Variants in ZNF91 observed in about 807,000 individuals in gnomAD.
The protein encoded by ZNF91 is zinc finger protein 91 (HPF7, HTF10).
In ZNF91, 7 loss-of-function variants were observed where a neutral mutation model predicts 12.6. The ratio of observed to expected loss-of-function variants is 0.55; its 90% CI spans 0.31 to 1.04. The LOEUF (loss-of-function observed/expected upper bound fraction) is 1.04. Ranked by LOEUF, ZNF91 falls within the 50% of genes least tolerant of loss-of-function variation. The probability of loss-of-function intolerance (pLI) is 0.05; values close to 1 mark genes in which losing one functional copy is unlikely to be tolerated. For synonymous variants in ZNF91, 453 were observed against 462.6 expected, an observed-to-expected ratio of 0.98 and a Z score of 0.27; for missense variants, 1,217 against 1,385.4, an observed-to-expected ratio of 0.88 and a Z score of 1.93.
At chr19:23,318,717 C>A (rs142523554) in intron 1 of ZNF91, among the ~76,000 whole-genome samples, 10 of 152,132 alleles carry the variant, frequency 6.6e-5, no homozygotes, top group African/African-American at 2.4e-4. Context: ...TGTTTGCCTG[C>A]GCTATGCCCA....
At chr19:23,329,213 A>C (rs572687148) in intron 1 of ZNF91, 72 of 152,346 alleles carry the variant, frequency 4.7e-4, no homozygotes, top group African/African-American at 1.7e-3. Context: ...GATGAGATGT[A>C]CACCTAAATG....
rs1164922788 is a variant in ZNF91, at chr19:23,361,446, A to G, written c.1533T>C (p.Ile511=). 6.2e-7 allele frequency: 1 copy of G among 1,612,664 alleles called. No individual in the cohort carries two copies. Among genetic ancestry groups the G allele is most frequent in the Non-Finnish European group, 8.5e-7 (1 of 1,179,468 alleles). ...ATTTGTAGGGTTTCTCTCCAGTATGAATTATCTTATGTTTAGTAAGGGTTG... is the reference window on the plus strand; with the variant it reads ...ATTTGTAGGGTTTCTCTCCAGTATGGATTATCTTATGTTTAGTAAGGGTTG... The part of the protein sequence containing the change: ...QSSTLTKHKI[I]HTGEKPYKFE... The change falls in exon 4 of 4, where the codon ATT becomes ATC. Residue 511 remains isoleucine (I), a synonymous_variant. Coordinates refer to ENST00000300619, the MANE Select transcript of ZNF91 (RefSeq NM_003430.4).
chr19:23,329,145 T>A (rs1967885595), intron 1 of ZNF91: 1 of 152,244 alleles, frequency 6.6e-6, no homozygotes, highest in Non-Finnish European at 1.5e-5. Flanking sequence ...AATTTTTTGA[T>A]ACTAAAATGC....
At chr19:23,352,606 A>C (rs1459835203) in intron 3 of ZNF91, among the ~76,000 whole-genome samples, 3 of 152,164 alleles carry the variant, frequency 2.0e-5, no homozygotes. Context: ...ATGGTACCAC[A>C]CATTTCAATA....
Position 23,360,437 on chromosome 19 carries a change from G to C in ZNF91, c.2542C>G (p.His848Asp). The C allele has an allele frequency of 6.2e-7, 1 of 1,613,902 alleles. No individual in the cohort carries two copies. Among genetic ancestry groups the C allele is most frequent in the Non-Finnish European group, 8.5e-7 (1 of 1,179,970 alleles). The part of the protein sequence containing the change: ...SSALAKHKII[H>D]AGEKLYKCEE... ...CATTTGTAGAGTTTCTCTCCAGCAT[G>C]TATTATTTTATGTTTAGCAAGGGCT... The change falls in exon 4 of 4, where the codon CAT (histidine) becomes GAT (aspartate). Residue 848 changes from histidine (H) to aspartate (D), a missense_variant. His to Asp is a moderately conservative substitution (Grantham distance 81, BLOSUM62 -1). This residue lies in a region of ZNF91 where 491 missense variants were observed against 489.8 expected (regional missense o/e 1.00). Coordinates refer to ENST00000300619, the MANE Select transcript of ZNF91 (RefSeq NM_003430.4).
chr19:23,360,850 C>T lies in ZNF91; in HGVS notation c.2129G>A (p.Gly710Glu), dbSNP rs185626891. 1,348 of 1,613,776 alleles carry T rather than the reference C, an allele frequency of 8.4e-4. 9 individuals carry two copies. In the African/African-American group the frequency reaches 0.016, roughly 20 times the overall value. Residue 710 changes from glycine (G) to glutamate (E), a missense_variant, in exon 4 of 4, where the codon GGA becomes GAA. Gly to Glu is a moderately conservative substitution (Grantham distance 98). Around this residue, in one of 2 missense-constraint regions of ZNF91, gnomAD observed 726 missense variants for 895.5 expected, o/e 0.81. Coordinates refer to ENST00000300619, the MANE Select transcript of ZNF91 (RefSeq NM_003430.4). The stretch of plus-strand genomic sequence containing the variant: ...TTCTTCACATTTGTAGAGTTTCTCT[C>T]CAGCATGTATTATTTTATGTTTAGT... ...TLTKHKIIHA[G>E]EKLYKCEECG...
At chr19:23,382,247 G>C (rs1374049562) in intron 1 of ZNF91, among the ~76,000 whole-genome samples, 2 of 152,008 alleles carry the variant, frequency 1.3e-5, no homozygotes, top group Non-Finnish European at 2.9e-5. Context: ...ACAACAGCCA[G>C]GTCTCTAAAC....
At chr19:23,373,908 GT>G (rs1297506982) in intron 2 of ZNF91, 71 bp from the exon 3 acceptor site, 16 of 1,003,326 alleles carry the variant, frequency 1.6e-5, no homozygotes, top group African/African-American at 1.6e-5. Flanking sequence ...AATGTGCTCA[GT>G]AAAGAGCATA....
chr19:23,330,805 A>G (rs1967915673), intron 1 of ZNF91, among the ~76,000 whole-genome samples: 1 of 152,202 alleles, frequency 6.6e-6, no homozygotes. Flanking sequence ...TGGTTTTTGA[A>G]AAGTTAAATC....
chr19:23,337,366 ATATATT>A (rs1968034197), downstream of ZNF91, among the ~76,000 whole-genome samples: 4 of 151,862 alleles, frequency 2.6e-5, no homozygotes, highest in Non-Finnish European at 4.4e-5. Flanking sequence ...GTGTATATAT[ATATATT>A]TGTTTATACT....
chr19:23,376,418 C>T lies in ZNF91; in HGVS notation c.31-1654G>A, dbSNP rs184196385. Among the ~76,000 whole-genome samples, 78 of 148,870 alleles carry T rather than the reference C, an allele frequency of 5.2e-4. No homozygotes were observed. The East Asian group carries it at 0.013, about 24-fold the overall frequency. ...TCTTTTTTTTTGAGACGGAGTTTTG[C>T]TCTTGTTGTTGCCCAGACTGGAGTG... On this transcript the variant is annotated intron_variant, in intron 1 of 3. Coordinates refer to ENST00000300619, the MANE Select transcript of ZNF91 (RefSeq NM_003430.4).
intron 3 of ZNF91, chr19:23,342,149 G>T: frequency 2.2e-6 from 1 of 455,076 alleles, no homozygotes; most frequent in Non-Finnish European, 4.0e-6. Context: ...TCTGTTATCT[G>T]CTTCATTCAT....
downstream of ZNF91, among the ~76,000 whole-genome samples, chr19:23,334,308 C>A (rs1361994281): frequency 4.6e-5 from 7 of 152,052 alleles, no homozygotes; most frequent in Non-Finnish European, 8.8e-5. Flanking sequence ...AGGGGCTCAG[C>A]TGTGTAGGCT....
intron 1 of ZNF91, among the ~76,000 whole-genome samples, chr19:23,318,132 A>G (rs993481393): frequency 1.3e-5 from 2 of 152,180 alleles, no homozygotes; most frequent in Non-Finnish European, 2.9e-5. Context: ...TTCAGTTAAT[A>G]TGAGTCTACC....
intron 1 of ZNF91, among the ~76,000 whole-genome samples, chr19:23,377,794 TTATTAAGCAGGTAC>T: frequency 6.6e-6 from 1 of 152,334 alleles, no homozygotes; most frequent in African/African-American, 2.4e-5. Context: ...AATGCAATGT[TTATTAAGCAGGTAC>T]TATGTAATCA....
chr19:23,373,232 A>C (rs2145094572), intron 3 of ZNF91, among the ~76,000 whole-genome samples: 1 of 151,914 alleles, frequency 6.6e-6, no homozygotes, highest in South Asian at 2.1e-4. Flanking sequence ...CAATGCTTCT[A>C]TTTTAACATA....
rs770728400 is a variant in ZNF91, at chr19:23,360,513, T to C, written c.2466A>G (p.Gly822=). 18 of 1,613,812 alleles carry C rather than the reference T, an allele frequency of 1.1e-5. No homozygotes were observed. The East Asian group carries it at 1.6e-4, about 14-fold the overall frequency. Residue 822 remains glycine (G), a synonymous_variant, in exon 4 of 4, where the codon GGA becomes GGG. Coordinates refer to ENST00000300619, the MANE Select transcript of ZNF91 (RefSeq NM_003430.4). ...ATTCTTTACATTTGTAGGGTTTCTCTCCAGTATGAATTGTCTTATGCTTAG... is the reference window on the plus strand; with the variant it reads ...ATTCTTTACATTTGTAGGGTTTCTCCCCAGTATGAATTGTCTTATGCTTAG... The part of the protein sequence containing the change: ...TLTKHKTIHT[G]EKPYKCKECG...
At chr19:23,323,737 TCTC>T (rs535377092) in intron 1 of ZNF91, among the ~76,000 whole-genome samples, 25 of 121,514 alleles carry the variant, frequency 2.1e-4, no homozygotes, top group African/African-American at 7.1e-4. Context: ...TTCTCCTCAT[TCTC>T]CTCTCCTCTT....
At chr19:23,364,579 TTTTG>T (rs1968926752) in intron 3 of ZNF91, among the ~76,000 whole-genome samples, 1 of 136,832 alleles carries the variant, frequency 7.3e-6, no homozygotes, top group African/African-American at 2.9e-5. Context: ...TTCTGGTAAA[TTTTG>T]TTTTTTTTTT....
Sources: gnomAD v4.1 joint callset for allele counts (sites outside exome capture counted in the v4.1 genomes callset) on GRCh38, gnomAD v4.1.1 for gene constraint, gnomAD v4.1.1 regional missense constraint, MANE v1.5 for transcripts, NCBI Gene and HGNC (gene_info 2026-07-23, HGNC 2026-07-21) for gene names.